The following PLXDC2 variants were observed in gnomAD, a reference collection of about 807,000 sequenced individuals.
PLXDC2 encodes plexin domain-containing protein 2.
Under a neutral mutation model 68.9 loss-of-function variants are expected in PLXDC2, and 40 were observed. The observed-to-expected ratio is 0.58, with a 90% confidence interval of 0.45 to 0.76. The LOEUF is 0.76. Ranked by LOEUF, PLXDC2 falls within the 30% of genes least tolerant of loss-of-function variation. The probability of loss-of-function intolerance (pLI) is 0.00; values close to 1 mark genes in which losing one functional copy is unlikely to be tolerated. For synonymous variants in PLXDC2, 243 were observed against 234.2 expected, an observed-to-expected ratio of 1.04 and a Z score of -0.34; for missense variants, 644 against 661.9, an observed-to-expected ratio of 0.97 and a Z score of 0.30.
chr10:20,051,818 T>C (rs1312261990), intron 3 of PLXDC2, among the ~76,000 whole-genome samples: 1 of 151,934 alleles, frequency 6.6e-6, no homozygotes, highest in Non-Finnish European at 1.5e-5. Context: ...ATAGCAGGGG[T>C]TGGCAACCTG....
chr10:19,959,503 T>C (rs1834122523), intron 1 of PLXDC2, among the ~76,000 whole-genome samples: 1 of 152,218 alleles, frequency 6.6e-6, no homozygotes, highest in South Asian at 2.1e-4. Context: ...ATTGTCCAAG[T>C]TTTTATTAAA....
chr10:20,129,413 T>C (rs1244837117), intron 4 of PLXDC2, among the ~76,000 whole-genome samples: 1 of 152,112 alleles, frequency 6.6e-6, no homozygotes, highest in East Asian at 1.9e-4. Context: ...TCTCCCATTC[T>C]GTAGGTTTTC....
intron 1 of PLXDC2, among the ~76,000 whole-genome samples, chr10:19,883,089 T>C (rs1837762730): frequency 6.6e-6 from 1 of 151,882 alleles, no homozygotes; most frequent in African/African-American, 2.4e-5. Flanking sequence ...CCCGAGTAGC[T>C]GGGACTACAG....
chr10:19,980,086 T>C (rs567728327), intron 1 of PLXDC2, among the ~76,000 whole-genome samples: 176 of 152,356 alleles, frequency 1.2e-3, no homozygotes, highest in African/African-American at 3.4e-3. Context: ...GTGTTTCAAT[T>C]ATATTTTACT....
chr10:19,843,952 T>C (rs1836952033), intron 1 of PLXDC2, among the ~76,000 whole-genome samples: 1 of 152,172 alleles, frequency 6.6e-6, no homozygotes, highest in Admixed American at 6.5e-5. Flanking sequence ...TACATAAAAA[T>C]GATAAACAGT....
At chr10:20,001,090 C>A (rs1834928199) in intron 1 of PLXDC2, among the ~76,000 whole-genome samples, 1 of 152,284 alleles carries the variant, frequency 6.6e-6, no homozygotes, top group South Asian at 2.1e-4. Flanking sequence ...CCATCCATTT[C>A]TGTAAGTGCC....
At position 20,149,229 on chromosome 10, in the gene PLXDC2, C is replaced by CTTTTTTTT. The variant is rs71200986; in HGVS notation, c.783+1346_783+1353dup. ...ATTTTTCTTTCTTTTTTTTTCTTTTCTTTTTTTTTTTTTTTTTTTTTTTTT... is the reference window on the plus strand; with the variant it reads ...ATTTTTCTTTCTTTTTTTTTCTTTTCTTTTTTTTTTTTTTTTTTTTTTTTTTTTTTTTT... On this transcript the variant is annotated intron_variant, in intron 6 of 13. Transcript: ENST00000377252. Among the ~76,000 whole-genome samples the CTTTTTTTT allele has an allele frequency of 2.5e-3, 89 of 34,944 alleles. 2 individuals carry two copies. Among genetic ancestry groups the CTTTTTTTT allele is most frequent in the African/African-American group, 5.1e-3 (43 of 8,434 alleles). 22.9% of individuals were successfully genotyped at this position (34,944 alleles called of 152,430 possible).
At position 20,282,712 on chromosome 10, in the gene PLXDC2, G is replaced by A. The variant is rs1383275999; in HGVS notation, c.*2893G>A. 1 of 152,124 alleles carries A rather than the reference G, an allele frequency of 6.6e-6. No individual in the cohort carries two copies. The highest frequency in any genetic ancestry group is 1.5e-5 in the Non-Finnish European group (1 of 68,030). The allele number at this position is 152,124 out of a possible 1,614,324, so 9.4% of individuals were successfully genotyped here. A position where few individuals can be genotyped will look rare whatever the true frequency, so the allele number is the denominator to read the frequency against. ...AAAAATTCAAAAAATTGCAACCTCA[G>A]GCATAAATGGCTTAAGCCCAAGAGA... On this transcript the variant is annotated 3_prime_UTR_variant, in exon 14 of 14. Transcript: ENST00000377252.
At chr10:19,952,279 A>G (rs1834003338) in intron 1 of PLXDC2, among the ~76,000 whole-genome samples, 1 of 152,104 alleles carries the variant, frequency 6.6e-6, no homozygotes, top group Non-Finnish European at 1.5e-5. Context: ...CCGCTTGGCT[A>G]CTTAACAGCA....
intron 7 of PLXDC2, among the ~76,000 whole-genome samples, chr10:20,164,990 T>A (rs980484033): frequency 6.6e-6 from 1 of 151,910 alleles, no homozygotes; most frequent in Non-Finnish European, 1.5e-5. Context: ...CTTGGCTAAC[T>A]TTTTTTATTA....
chr10:20,275,738 C>T (rs1449574160), intron 13 of PLXDC2, among the ~76,000 whole-genome samples: 1 of 152,012 alleles, frequency 6.6e-6, no homozygotes, highest in African/African-American at 2.4e-5. Context: ...CATGGCAAAA[C>T]CCTGTTTCCA....
intron 6 of PLXDC2, among the ~76,000 whole-genome samples, chr10:20,158,197 C>T (rs545875492): frequency 1.8e-4 from 28 of 152,096 alleles, no homozygotes; most frequent in African/African-American, 6.7e-4. Flanking sequence ...AAGAAAATCG[C>T]TTCCTGTAAT....
At chr10:19,953,653 A>G (rs1334124732) in intron 1 of PLXDC2, among the ~76,000 whole-genome samples, 2 of 152,190 alleles carry the variant, frequency 1.3e-5, no homozygotes, top group Non-Finnish European at 2.9e-5. Flanking sequence ...ATCAGAAGTC[A>G]AAAGACATTT....
intron 13 of PLXDC2, among the ~76,000 whole-genome samples, chr10:20,256,953 G>T (rs547528797): frequency 1.3e-5 from 2 of 152,310 alleles, no homozygotes; most frequent in Middle Eastern, 6.8e-3. Flanking sequence ...AGAGGAAAGA[G>T]TAAGTACCCC....
intron 2 of PLXDC2, among the ~76,000 whole-genome samples, chr10:20,044,543 C>G (rs2131680734): frequency 6.6e-6 from 1 of 152,022 alleles, no homozygotes; most frequent in East Asian, 2.0e-4. Context: ...CTCCTGACCT[C>G]AGGTGATCCA....
chr10:19,839,775 C>G (rs918249098), intron 1 of PLXDC2, among the ~76,000 whole-genome samples: 3 of 152,038 alleles, frequency 2.0e-5, no homozygotes, highest in African/African-American at 7.3e-5. Context: ...TAACGGCAGA[C>G]TCTTTAGAAT....
chr10:20,025,393 G>A (rs1835382340), intron 2 of PLXDC2, among the ~76,000 whole-genome samples: 1 of 151,868 alleles, frequency 6.6e-6, no homozygotes, highest in Admixed American at 6.6e-5. Flanking sequence ...CTCCCAAGTA[G>A]CTGGGATTAC....
chr10:19,932,805 T>C (rs532478764), intron 1 of PLXDC2, among the ~76,000 whole-genome samples: 5 of 152,222 alleles, frequency 3.3e-5, no homozygotes, highest in Non-Finnish European at 2.9e-5. Context: ...CCAAACCAAA[T>C]GTTCTTCTGA....
intron 1 of PLXDC2, among the ~76,000 whole-genome samples, chr10:19,981,225 A>G (rs563850515): frequency 6.8e-4 from 104 of 152,274 alleles, no homozygotes; most frequent in Non-Finnish European, 1.3e-3. Context: ...TTTTAAATTT[A>G]CTTTGAAATT....
Sources: allele counts gnomAD v4.1 joint callset (sites outside exome capture counted in the v4.1 genomes callset), GRCh38; gene constraint gnomAD v4.1.1; transcripts MANE v1.5; gene names NCBI Gene and HGNC (gene_info 2026-07-23, HGNC 2026-07-21).